SCAI: variants seen among roughly 807,000 people sequenced by gnomAD.
SCAI encodes protein SCAI.
SCAI carries 24 observed loss-of-function variants against 92.2 expected under a neutral mutation model. That is an observed-to-expected ratio of 0.26 (90% CI 0.19 to 0.37). The LOEUF is 0.37. Among genes scored for constraint, SCAI ranks in the 10% least tolerant of loss-of-function variants. SCAI has a pLI of 1.00. For missense variants in SCAI, 450 were observed against 736.2 expected, an observed-to-expected ratio of 0.61 and a Z score of 4.50; for synonymous variants, 261 against 258.6, an observed-to-expected ratio of 1.01 and a Z score of -0.09.
At chr9:125,094,471 A>C (rs1405429380) in intron 2 of SCAI, among the ~76,000 whole-genome samples, 1 of 152,132 alleles carries the variant, frequency 6.6e-6, no homozygotes, top group African/African-American at 2.4e-5. Flanking sequence ...GTCTTCCCTG[A>C]CCACCCCATA....
At chr9:125,076,829 A>G (rs1834100991) in intron 2 of SCAI, among the ~76,000 whole-genome samples, 1 of 151,984 alleles carries the variant, frequency 6.6e-6, no homozygotes, top group African/African-American at 2.4e-5. Context: ...CCTCCCTAGT[A>G]GCTGGGACTA....
chr9:125,060,465 A>G (rs1833749758), intron 2 of SCAI, among the ~76,000 whole-genome samples: 1 of 152,204 alleles, frequency 6.6e-6, no homozygotes. Context: ...TATATAACCA[A>G]AAAGATCATC....
chr9:124,976,083 T>C (rs770180700), intron 15 of SCAI, 31 bp downstream of exon 15: 24 of 1,420,678 alleles, frequency 1.7e-5, no homozygotes, highest in Non-Finnish European at 2.1e-5. Flanking sequence ...ATTTGCAACC[T>C]ATGGCTATAC....
rs1832209547 is a variant in SCAI, at chr9:124,994,985, G to A, written c.1275C>T (p.Thr425=). ...CLHPGDLYPF[T]RKPLFIIVDS... ...CCACAATGATGAACAGTGGCTTCCT[G>A]GTGAAAGGATAGAGATCCCCGGGAT... The change falls in exon 14 of 18, where the codon ACC becomes ACT. Residue 425 remains threonine (T), a synonymous_variant. Transcript: ENST00000336505. 1.2e-6 allele frequency: 2 copies of A among 1,612,528 alleles called. No homozygotes were observed. The highest frequency in any genetic ancestry group is 8.5e-7 in the Non-Finnish European group (1 of 1,179,420).
intron 2 of SCAI, among the ~76,000 whole-genome samples, chr9:125,115,982 G>T (rs1489270668): frequency 6.6e-6 from 1 of 152,156 alleles, no homozygotes; most frequent in Non-Finnish European, 1.5e-5. Flanking sequence ...ATAACCTGAG[G>T]TCAGGAGTTC....
intron 2 of SCAI, among the ~76,000 whole-genome samples, chr9:125,140,456 A>T (rs1173430790): frequency 6.6e-6 from 1 of 152,172 alleles, no homozygotes; most frequent in East Asian, 1.9e-4. Context: ...TGAACCCAGG[A>T]GGCGGAGATT....
intron 10 of SCAI, 56 bp downstream of exon 10, chr9:125,003,413 C>T (rs1006440542): frequency 1.2e-5 from 15 of 1,223,346 alleles, no homozygotes; most frequent in Non-Finnish European, 1.8e-5. Flanking sequence ...AGCGTTCCAA[C>T]AGGAGAGACG....
rs371910305 is a variant in SCAI at position 125,131,000 on chromosome 9, T to C, written c.98+11633A>G. ...CTCACTATATTGTGCAGGCTGGGCA[T>C]TAACTCACTCCTGGGCTCAAGTGAT... On this transcript the variant is annotated intron_variant, in intron 2 of 17. Coordinates refer to ENST00000336505, the MANE Select transcript of SCAI (RefSeq NM_001144877.3). 5.0e-5 allele frequency among the ~76,000 whole-genome samples: 7 copies of C among 138,936 alleles called. No individual in the cohort carries two copies. In the East Asian group the frequency reaches 1.6e-3, roughly 31 times the overall value. The allele number at this position is 138,936 out of a possible 152,430, so 91.1% of individuals were successfully genotyped here.
chr9:125,096,439 T>C (rs1046064996), intron 2 of SCAI, among the ~76,000 whole-genome samples: 1 of 152,196 alleles, frequency 6.6e-6, no homozygotes, highest in Non-Finnish European at 1.5e-5. Context: ...GGATGGTCCT[T>C]AGCAATTACT....
In SCAI at chr9:124,952,010, T is replaced by A. The variant is rs1305448242; in HGVS notation, c.*797A>T. ...ACATCAATCCAGTCTTTAAATGTGA[T>A]CTCATAAACCAAGAGTTTAAATAGA... On this transcript the variant is annotated 3_prime_UTR_variant, in exon 18 of 18. Coordinates refer to ENST00000336505, the MANE Select transcript of SCAI (RefSeq NM_001144877.3). 2 of 152,222 alleles carry A rather than the reference T, an allele frequency of 1.3e-5. No individual in the cohort carries two copies. Among genetic ancestry groups the A allele is most frequent in the Non-Finnish European group, 2.9e-5 (2 of 68,036 alleles). The allele number at this position is 152,222 out of a possible 1,614,324, so 9.4% of individuals were successfully genotyped here. A position where few individuals can be genotyped will look rare whatever the true frequency, so the allele number is the denominator to read the frequency against.
chr9:125,004,762 TATATATATATATATATA>T (rs1381557705), intron 9 of SCAI, among the ~76,000 whole-genome samples: 88 of 9,176 alleles, frequency 9.6e-3, no homozygotes, highest in Middle Eastern at 0.031. Context: ...TATATATATA[TATATATATATATATATA>T]TTTTTTTTTT....
intron 2 of SCAI, among the ~76,000 whole-genome samples, chr9:125,106,120 A>ATTAT (rs1554791720): frequency 1.7e-4 from 3 of 18,160 alleles, no homozygotes; most frequent in Non-Finnish European, 3.6e-4. Context: ...AAAAAAAAAA[A>ATTAT]AAATATATAT....
chr9:125,095,156 C>T (rs543885579), intron 2 of SCAI, among the ~76,000 whole-genome samples: 23 of 152,226 alleles, frequency 1.5e-4, no homozygotes, highest in South Asian at 6.2e-4. Context: ...CAGTAACCAA[C>T]GGAGACAAAG....
Position 124,952,642 on chromosome 9 carries a change from G to A in SCAI, c.*165C>T. On this transcript the variant is annotated 3_prime_UTR_variant, in exon 18 of 18. Transcript: ENST00000336505. ...ACCTGAAAGGTTGCATTTTAAAACA[G>A]TTACCCTAAAAGTGTGAACATTTTT... 1.9e-6 allele frequency: 1 copy of A among 537,656 alleles called. No individual in the cohort carries two copies. The allele number at this position is 537,656 out of a possible 1,614,324, so 33.3% of individuals were successfully genotyped here.
intron 3 of SCAI, among the ~76,000 whole-genome samples, chr9:125,041,378 T>C (rs755403907): frequency 6.6e-6 from 1 of 152,210 alleles, no homozygotes; most frequent in Non-Finnish European, 1.5e-5. Context: ...GTTAGGAAGA[T>C]TGTATTATTA....
At chr9:125,005,145 A>G (rs1832477380) in intron 9 of SCAI, among the ~76,000 whole-genome samples, 1 of 151,986 alleles carries the variant, frequency 6.6e-6, no homozygotes, top group African/African-American at 2.4e-5. Context: ...ACAATATTTA[A>G]GTCTATATCC....
rs1203145764 is a variant in SCAI at position 125,091,080 on chromosome 9, G to A, written c.99-35073C>T. Among the ~76,000 whole-genome samples the A allele has an allele frequency of 6.6e-6, 1 of 152,170 alleles. No individual in the cohort carries two copies. Among genetic ancestry groups the A allele is most frequent in the Non-Finnish European group, 1.5e-5 (1 of 68,026 alleles). On this transcript the variant is annotated intron_variant, in intron 2 of 17. Transcript: ENST00000336505. The surrounding 1 kb of genome is among the most constrained non-coding windows in gnomAD (Gnocchi z 4.3). ...TGCAGTGAGCTGAGATCGCGCCACT[G>A]CACTCCAGCCTGGGTGACAAAGCGA...
rs370824389 is a variant in SCAI, at chr9:125,055,957, T to C, written c.149A>G (p.Asp50Gly). 12 of 1,611,556 alleles carry C rather than the reference T, an allele frequency of 7.4e-6. No homozygotes were observed. The African/African-American group carries it at 1.3e-4, about 18-fold the overall frequency. ...EIMSSGGAEDDIPQGERKTVT... is the reference protein window; with the variant it reads ...EIMSSGGAEDGIPQGERKTVT... Reference sequence around the variant, plus strand: ...TGTTTTCCTCTCTCCCTGTGGGATATCATCTTCAGCACCTCCAGAGGACAT... The same window carrying C: ...TGTTTTCCTCTCTCCCTGTGGGATACCATCTTCAGCACCTCCAGAGGACAT... Residue 50 changes from aspartate to glycine, a missense_variant, in exon 3 of 18, where the codon GAT becomes GGT. Physicochemically the swap from Asp to Gly is moderately conservative, Grantham distance 94. Transcript: ENST00000336505.
At chr9:125,141,445 C>T (rs1291334640) in intron 2 of SCAI, among the ~76,000 whole-genome samples, 1 of 152,236 alleles carries the variant, frequency 6.6e-6, no homozygotes, top group Non-Finnish European at 1.5e-5. Flanking sequence ...AAGGAATCAT[C>T]TAATGACTAC....
Sources: gnomAD v4.1 joint callset for allele counts (sites outside exome capture counted in the v4.1 genomes callset) on GRCh38, gnomAD v4.1.1 for gene constraint, Gnocchi (gnomAD v3.1) non-coding constraint, MANE v1.5 for transcripts, NCBI Gene and HGNC (gene_info 2026-07-23, HGNC 2026-07-21) for gene names.